Variants in NAV2 observed in about 807,000 individuals in gnomAD.
The protein encoded by NAV2 is helicase, APC down-regulated 1.
In NAV2, 54 loss-of-function variants were observed where a neutral mutation model predicts 223.2. That is an observed-to-expected ratio of 0.24 (90% CI 0.19 to 0.30). NAV2 has a LOEUF of 0.30. Among genes scored for constraint, NAV2 ranks in the 10% least tolerant of loss-of-function variants. The pLI is 1.00. For synonymous variants in NAV2, 1,279 were observed against 1,239.3 expected (o/e 1.03, Z -0.67); for missense variants, 2,806 against 3,147.5 (o/e 0.89, Z 2.60).
chr11:19,842,982 G>A lies in NAV2; in HGVS notation c.438+59G>A, dbSNP rs367934452. ...CTGTCAGCAAGCCCTGCCTCTAAGT[G>A]ATATTGACCATCTTGAAAACATTCA... is the stretch of plus-strand genomic sequence containing the variant. On this transcript the variant is annotated intron_variant, in intron 3 of 37. Transcript: ENST00000349880. The A allele has an allele frequency of 1.4e-5, 20 of 1,396,274 alleles. No homozygotes were observed. In the African/African-American group the frequency reaches 2.5e-4, roughly 18 times the overall value. The allele number at this position is 1,396,274 out of a possible 1,614,324, so 86.5% of individuals were successfully genotyped here. A position where few individuals can be genotyped will look rare whatever the true frequency, so the allele number is the denominator to read the frequency against.
intron 1 of NAV2, among the ~76,000 whole-genome samples, chr11:19,352,213 A>T (rs541650550): frequency 6.6e-6 from 1 of 152,342 alleles, no homozygotes; most frequent in Non-Finnish European, 1.5e-5. Flanking sequence ...TTAAGTGTAT[A>T]ACCTACTAGA....
At chr11:19,403,811 A>G (rs1227346613) in intron 1 of NAV2, among the ~76,000 whole-genome samples, 1 of 151,988 alleles carries the variant, frequency 6.6e-6, no homozygotes, top group Non-Finnish European at 1.5e-5. Flanking sequence ...AGGAAGGGAT[A>G]TCGAGTGTGG....
intron 14 of NAV2, among the ~76,000 whole-genome samples, chr11:20,048,314 G>GTGTGCCTGCTT: frequency 6.6e-6 from 1 of 152,328 alleles, no homozygotes; most frequent in African/African-American, 2.4e-5. Flanking sequence ...GTCATAAACT[G>GTGTGCCTGCTT]TGTGCCTGCT....
chr11:19,887,660 G>A (rs80300857), intron 5 of NAV2, among the ~76,000 whole-genome samples: 3,441 of 152,230 alleles, frequency 0.023, 60 homozygotes, highest in Non-Finnish European at 0.038. Context: ...GTCAGGTAAG[G>A]CAACCAGGCT....
At chr11:19,901,274 T>C (rs2042426319) in intron 6 of NAV2, among the ~76,000 whole-genome samples, 1 of 152,188 alleles carries the variant, frequency 6.6e-6, no homozygotes, top group Non-Finnish European at 1.5e-5. Flanking sequence ...CTGCCGGGCA[T>C]GATGACTCAC....
At chr11:20,067,909 C>G (rs2059152431) in intron 20 of NAV2, among the ~76,000 whole-genome samples, 1 of 152,078 alleles carries the variant, frequency 6.6e-6, no homozygotes, top group Admixed American at 6.5e-5. Context: ...CTTTACCTAT[C>G]ACCATCCCCG....
chr11:20,036,396 A>G (rs182967090), intron 12 of NAV2, among the ~76,000 whole-genome samples: 3 of 152,338 alleles, frequency 2.0e-5, no homozygotes, highest in African/African-American at 4.8e-5. Context: ...AAAACAAACA[A>G]CAGAAAAGGA....
intron 1 of NAV2, among the ~76,000 whole-genome samples, chr11:19,761,899 T>C (rs2054777217): frequency 6.6e-6 from 1 of 152,224 alleles, no homozygotes; most frequent in South Asian, 2.1e-4. Flanking sequence ...ATCCTTCCCC[T>C]GGTCTACTGA....
At chr11:19,839,384 A>G (rs746458066) in intron 2 of NAV2, among the ~76,000 whole-genome samples, 2 of 152,164 alleles carry the variant, frequency 1.3e-5, no homozygotes, top group African/African-American at 2.4e-5. Flanking sequence ...AGAGGAAGGA[A>G]AAGATGAACA....
intron 1 of NAV2, among the ~76,000 whole-genome samples, chr11:19,432,616 C>A (rs570977994): frequency 6.6e-6 from 1 of 152,194 alleles, no homozygotes; most frequent in South Asian, 2.1e-4. Context: ...GCATGGAGAG[C>A]GAGGCAGTGG....
At chr11:19,369,540 T>C (rs1590065669) in intron 1 of NAV2, among the ~76,000 whole-genome samples, 1 of 152,188 alleles carries the variant, frequency 6.6e-6, no homozygotes, top group Non-Finnish European at 1.5e-5. Context: ...GTGTGGTTCA[T>C]TTTTAGTGCA....
chr11:19,753,142 T>C (rs1364128741), intron 1 of NAV2, among the ~76,000 whole-genome samples: 1 of 152,178 alleles, frequency 6.6e-6, no homozygotes, highest in East Asian at 1.9e-4. Flanking sequence ...GAGAAATGAA[T>C]GTTTCTTGTT....
At chr11:19,524,429 C>T (rs905707602) in intron 1 of NAV2, among the ~76,000 whole-genome samples, 25 of 152,240 alleles carry the variant, frequency 1.6e-4, no homozygotes, top group Non-Finnish European at 2.6e-4. Flanking sequence ...CAGTTCAAAC[C>T]TTGTTCATTA....
chr11:19,707,152 A>G (rs896707896), intron 1 of NAV2, among the ~76,000 whole-genome samples: 9 of 152,214 alleles, frequency 5.9e-5, no homozygotes, highest in African/African-American at 1.9e-4. Flanking sequence ...GGCCTAGGAC[A>G]TTGCTGTACA....
chr11:19,700,825 G>T, intron 1 of NAV2, among the ~76,000 whole-genome samples: 1 of 152,138 alleles, frequency 6.6e-6, no homozygotes, highest in Non-Finnish European at 1.5e-5. Context: ...TTCCCTGATT[G>T]GAAGCTCCAC....
At chr11:20,031,932 A>G (rs16937374) in intron 11 of NAV2, among the ~76,000 whole-genome samples, 3,985 of 152,240 alleles carry the variant, frequency 0.026, 176 homozygotes, top group African/African-American at 0.091. Context: ...TCTTAGGGCA[A>G]CATTCTTATC....
chr11:19,530,069 T>G (rs1462105093), intron 1 of NAV2, among the ~76,000 whole-genome samples: 1 of 151,880 alleles, frequency 6.6e-6, no homozygotes, highest in Admixed American at 6.6e-5. Context: ...AGCTGGAGGG[T>G]CAGAAGTCCC....
chr11:20,018,627 G>T (rs548436215), intron 11 of NAV2, among the ~76,000 whole-genome samples: 1 of 152,274 alleles, frequency 6.6e-6, no homozygotes, highest in South Asian at 2.1e-4. Flanking sequence ...GTCCTCCTAT[G>T]CTTGGTTGAT....
chr11:19,689,537 T>G (rs2049110027), intron 1 of NAV2, among the ~76,000 whole-genome samples: 1 of 152,246 alleles, frequency 6.6e-6, no homozygotes, highest in African/African-American at 2.4e-5. Flanking sequence ...GCTGCATTCA[T>G]AATCAGCCAG....
Sources: gnomAD v4.1 joint callset for allele counts (sites outside exome capture counted in the v4.1 genomes callset) on GRCh38, gnomAD v4.1.1 for gene constraint, MANE v1.5 for transcripts, NCBI Gene and HGNC (gene_info 2026-07-23, HGNC 2026-07-21) for gene names.